The following PCBP3 variants were observed in gnomAD, a reference collection of about 807,000 sequenced individuals.
The protein encoded by PCBP3 is poly(rC)-binding protein 3.
Under a neutral mutation model 52.7 loss-of-function variants are expected in PCBP3, and 25 were observed. The observed-to-expected ratio is 0.47, with a 90% CI of 0.35 to 0.66. The LOEUF (loss-of-function observed/expected upper bound fraction) is 0.66, where lower values mean the gene tolerates loss of function less well. PCBP3 is among the 30% of genes least tolerant of loss of function. The probability of loss-of-function intolerance (pLI) is 0.01; values close to 1 mark genes in which losing one functional copy is unlikely to be tolerated. For missense variants in PCBP3, 391 were observed against 490.3 expected (o/e 0.80, Z 1.91); for synonymous variants, 162 against 183.0 (o/e 0.89, Z 0.93).
intron 6 of PCBP3, among the ~76,000 whole-genome samples, chr21:45,898,927 C>T (rs1331103612): frequency 3.3e-5 from 5 of 151,030 alleles, no homozygotes; most frequent in African/African-American, 7.3e-5. Flanking sequence ...ACGCCGTCCT[C>T]ACGGCCTCCC....
chr21:45,877,680 C>T (rs1207439461), intron 5 of PCBP3, among the ~76,000 whole-genome samples: 1 of 152,162 alleles, frequency 6.6e-6, no homozygotes, highest in Non-Finnish European at 1.5e-5. Flanking sequence ...TGGTGGCACG[C>T]CTGTAGTCCC....
intron 4 of PCBP3, among the ~76,000 whole-genome samples, chr21:45,804,686 G>A (rs561135176): frequency 6.6e-6 from 1 of 152,264 alleles, no homozygotes; most frequent in African/African-American, 2.4e-5. Context: ...TTCGGCTCCT[G>A]AAATCACAGT....
chr21:45,755,537 A>G (rs2183596), intron 4 of PCBP3, among the ~76,000 whole-genome samples, 85 bp downstream of exon 4: 29,859 of 152,168 alleles, frequency 0.2, 3,182 homozygotes, highest in Middle Eastern at 0.33. Flanking sequence ...ATTCCCACAA[A>G]CAGTGCATGA....
Position 45,941,721 on chromosome 21 carries a change from C to A in PCBP3, c.*15C>A. The stretch of plus-strand genomic sequence containing the variant: ...GCACGCTGTAATCCTACCCAGCACC[C>A]TTCCCCCGCGTCACCCACCTGCCAG... On this transcript the variant is annotated 3_prime_UTR_variant, in exon 18 of 18. Coordinates refer to ENST00000681687, the MANE Select transcript of PCBP3 (RefSeq NM_001384156.1). The A allele has an allele frequency of 6.3e-7, 1 of 1,597,940 alleles. No homozygotes were observed. Among genetic ancestry groups the A allele is most frequent in the Non-Finnish European group, 8.5e-7 (1 of 1,171,854 alleles).
intron 4 of PCBP3, among the ~76,000 whole-genome samples, chr21:45,832,196 G>C (rs1050253482): frequency 2.0e-5 from 3 of 152,180 alleles, no homozygotes; most frequent in Non-Finnish European, 4.4e-5. Flanking sequence ...TACACCATAC[G>C]GTAACTTCCT....
intron 4 of PCBP3, among the ~76,000 whole-genome samples, chr21:45,766,537 C>A (rs2089343058): frequency 6.6e-6 from 1 of 152,254 alleles, no homozygotes; most frequent in Non-Finnish European, 1.5e-5. Flanking sequence ...GCACCCTGAT[C>A]TCCATTTCCA....
At chr21:45,804,353 C>A (rs1196306829) in intron 4 of PCBP3, among the ~76,000 whole-genome samples, 1 of 152,146 alleles carries the variant, frequency 6.6e-6, no homozygotes, top group Non-Finnish European at 1.5e-5. Context: ...CTAGTGCCCA[C>A]ACCATCCATG....
chr21:45,767,440 T>G (rs967555116), intron 4 of PCBP3, among the ~76,000 whole-genome samples: 1 of 152,220 alleles, frequency 6.6e-6, no homozygotes, highest in Admixed American at 6.5e-5. Flanking sequence ...ACTTATTGAT[T>G]AGTGACATTG....
At chr21:45,845,365 A>C (rs1285217738) in intron 4 of PCBP3, among the ~76,000 whole-genome samples, 9 of 152,382 alleles carry the variant, frequency 5.9e-5, no homozygotes, top group African/African-American at 2.2e-4. Context: ...TGAGCTGCTT[A>C]AGCACCCGTG....
At chr21:45,844,060 G>T (rs1015331958) in intron 4 of PCBP3, among the ~76,000 whole-genome samples, 1 of 151,842 alleles carries the variant, frequency 6.6e-6, no homozygotes, top group Non-Finnish European at 1.5e-5. Context: ...ATTAATGCTC[G>T]TCTCTCTCCT....
chr21:45,707,175 T>A (rs1409573389), intron 2 of PCBP3, among the ~76,000 whole-genome samples: 1 of 152,130 alleles, frequency 6.6e-6, no homozygotes, highest in African/African-American at 2.4e-5. Flanking sequence ...GGGATCTAGG[T>A]CAGTGCTTCT....
chr21:45,644,497 G>T (rs1603038303), intron 1 of PCBP3, among the ~76,000 whole-genome samples: 1 of 130,634 alleles, frequency 7.7e-6, no homozygotes, highest in Non-Finnish European at 1.6e-5. Flanking sequence ...GTCTTGTTTC[G>T]TGAAAGAGTT....
intron 4 of PCBP3, among the ~76,000 whole-genome samples, chr21:45,835,921 A>G (rs1184429026): frequency 1.3e-5 from 2 of 151,792 alleles, no homozygotes; most frequent in Non-Finnish European, 2.9e-5. Flanking sequence ...CGGGGTCTGG[A>G]TCTCAGTTCC....
intron 15 of PCBP3, among the ~76,000 whole-genome samples, chr21:45,932,087 A>G (rs1301223163): frequency 5.0e-5 from 7 of 140,054 alleles, no homozygotes; most frequent in South Asian, 2.5e-4. Flanking sequence ...GGGCCATGCC[A>G]TCCTGAAATG....
In PCBP3 at chr21:45,867,519, T is replaced by A. The variant is rs191133812; in HGVS notation, c.10+17424T>A. On this transcript the variant is annotated intron_variant, in intron 5 of 17. Transcript: ENST00000681687. ...ACGCGGAGGGTGCGGGCCGTGAAGGTTATACATGCAAATATCCTTCCACCA... is the reference window on the plus strand; with the variant it reads ...ACGCGGAGGGTGCGGGCCGTGAAGGATATACATGCAAATATCCTTCCACCA... Among the ~76,000 whole-genome samples, 477 of 152,286 alleles carry A rather than the reference T, an allele frequency of 3.1e-3. 2 individuals carry two copies. Among genetic ancestry groups the A allele is most frequent in the Non-Finnish European group, 5.1e-3 (344 of 68,004 alleles).
chr21:45,645,294 C>T (rs2079183364), intron 1 of PCBP3, among the ~76,000 whole-genome samples: 1 of 151,874 alleles, frequency 6.6e-6, no homozygotes, highest in African/African-American at 2.4e-5. Context: ...AAGTTCATTA[C>T]GAATGGTTTA....
chr21:45,907,640 A>C (rs2096243009), intron 9 of PCBP3, among the ~76,000 whole-genome samples: 1 of 151,890 alleles, frequency 6.6e-6, no homozygotes, highest in Admixed American at 6.6e-5. Flanking sequence ...AAGAATTCTA[A>C]ATTCTTCTGT....
In PCBP3 at chr21:45,802,188, C is replaced by T. The variant is rs781455916; in HGVS notation, c.-126+46736C>T. ...CTTTCTGCCCACATTCTCCTGGTAG[C>T]GGCTCTGCAGCTGGGCGCTGTTTCT... is the stretch of plus-strand genomic sequence containing the variant. On this transcript the variant is annotated intron_variant, in intron 4 of 17. Transcript: ENST00000681687. The surrounding 1 kb of genome is among the most constrained non-coding windows in gnomAD (Gnocchi z 5.1). Among the ~76,000 whole-genome samples, 9 of 152,232 alleles carry T rather than the reference C, an allele frequency of 5.9e-5. No homozygotes were observed. The highest frequency in any genetic ancestry group is 1.3e-4 in the Admixed American group (2 of 15,284).
intron 5 of PCBP3, 64 bp from the exon 6 acceptor site, chr21:45,896,144 C>T (rs981448458): frequency 4.3e-5 from 63 of 1,476,872 alleles, no homozygotes; most frequent in Non-Finnish European, 5.8e-5. Context: ...CGGCCCAGGA[C>T]ACCCCTGGAT....
Sources: gnomAD v4.1 joint callset for allele counts (sites outside exome capture counted in the v4.1 genomes callset) on GRCh38, gnomAD v4.1.1 for gene constraint, Gnocchi (gnomAD v3.1) non-coding constraint, MANE v1.5 for transcripts, NCBI Gene and HGNC (gene_info 2026-07-23, HGNC 2026-07-21) for gene names.